The following KCNN2 variants were observed in gnomAD, a reference collection of about 807,000 sequenced individuals.
The protein encoded by KCNN2 is small conductance calcium-activated potassium channel protein 2.
Under a neutral mutation model 55.5 loss-of-function variants are expected in KCNN2, and 24 were observed. That is an observed-to-expected ratio of 0.43 (90% confidence interval 0.31 to 0.61). The LOEUF is 0.61. KCNN2 is among the 20% of genes least tolerant of loss of function. The pLI is 0.08. For synonymous variants in KCNN2, 431 were observed against 336.1 expected (o/e 1.28, Z -3.09); for missense variants, 754 against 853.6 (o/e 0.88, Z 1.45).
At chr5:114,278,593 A>T (rs987397303) in intron 2 of KCNN2, among the ~76,000 whole-genome samples, 1 of 152,118 alleles carries the variant, frequency 6.6e-6, no homozygotes, top group Non-Finnish European at 1.5e-5. Flanking sequence ...CCCCTTCCCC[A>T]CCTTGCTCCA....
Position 114,354,499 on chromosome 5 carries a change from A to T in KCNN2, c.-184-6446A>T, listed in dbSNP as rs79235367. On this transcript the variant is annotated intron_variant, in intron 2 of 10. Coordinates refer to the KCNN2 transcript ENST00000512097. Reference sequence around the variant, plus strand: ...TCTTTTTGCTACCATGAGGTAAGTTAACCTGAGGATTAAGCCAATACATAT... The same window carrying T: ...TCTTTTTGCTACCATGAGGTAAGTTTACCTGAGGATTAAGCCAATACATAT... Among the ~76,000 whole-genome samples, 849 of 152,250 alleles carry T rather than the reference A, an allele frequency of 5.6e-3. 6 individuals are homozygous for T. Among genetic ancestry groups the T allele is most frequent in the African/African-American group, 0.019 (801 of 41,570 alleles).
intron 2 of KCNN2, among the ~76,000 whole-genome samples, chr5:114,354,747 G>A (rs1561582224): frequency 6.6e-6 from 1 of 151,962 alleles, no homozygotes; most frequent in African/African-American, 2.4e-5. Flanking sequence ...TAAGTAGTGA[G>A]AAAAAAATGT....
chr5:114,184,182 A>G (rs962189824), intron 1 of KCNN2, among the ~76,000 whole-genome samples: 1 of 152,134 alleles, frequency 6.6e-6, no homozygotes, highest in African/African-American at 2.4e-5. Flanking sequence ...ACTAATTACA[A>G]AGGACTCAGT....
At chr5:114,464,255 T>C (rs2150116282) in intron 4 of KCNN2, among the ~76,000 whole-genome samples, 1 of 152,332 alleles carries the variant, frequency 6.6e-6, no homozygotes, top group African/African-American at 2.4e-5. Flanking sequence ...TAGTTTCAAA[T>C]TGTTGATGCA....
At chr5:114,389,915 A>G (rs1485440489) in intron 2 of KCNN2, among the ~76,000 whole-genome samples, 1 of 152,118 alleles carries the variant, frequency 6.6e-6, no homozygotes, top group Admixed American at 6.5e-5. Flanking sequence ...GTACAGCCTG[A>G]TGCCCCCATC....
chr5:114,147,253 G>C (rs940897830), intron 1 of KCNN2, among the ~76,000 whole-genome samples: 3 of 152,138 alleles, frequency 2.0e-5, no homozygotes, highest in Non-Finnish European at 4.4e-5. Context: ...AAGAATTTTG[G>C]CTTAGGCAGA....
At chr5:114,128,112 G>A (rs1751976293) in intron 1 of KCNN2, among the ~76,000 whole-genome samples, 1 of 152,052 alleles carries the variant, frequency 6.6e-6, no homozygotes, top group African/African-American at 2.4e-5. Flanking sequence ...TTCTAAAGTT[G>A]CTTCCACATT....
intron 1 of KCNN2, among the ~76,000 whole-genome samples, chr5:114,159,560 A>T (rs914264699): frequency 6.6e-6 from 1 of 152,070 alleles, no homozygotes; most frequent in Non-Finnish European, 1.5e-5. Context: ...ATTGATTGGG[A>T]TAGTTTCTGA....
chr5:114,327,887 A>C (rs4705663), intron 2 of KCNN2, among the ~76,000 whole-genome samples: 95 of 152,180 alleles, frequency 6.2e-4, no homozygotes, highest in Non-Finnish European at 1.1e-3. Context: ...ATCCTCTTCT[A>C]GAAATACTGC....
intron 2 of KCNN2, among the ~76,000 whole-genome samples, chr5:114,350,325 TGAGTTATAA>T (rs1032564904): frequency 6.6e-4 from 101 of 152,038 alleles, no homozygotes; most frequent in African/African-American, 2.4e-3. Context: ...TTTTTATAAT[TGAGTTATAA>T]GAGTTCTTTA....
intron 1 of KCNN2, among the ~76,000 whole-genome samples, chr5:114,156,602 C>G (rs115068261): frequency 0.031 from 4,704 of 152,110 alleles, 254 homozygotes; most frequent in African/African-American, 0.11. Context: ...TTTCACCACC[C>G]TAGTTAGCTG....
intron 6 of KCNN2, among the ~76,000 whole-genome samples, chr5:114,491,516 T>C (rs1311211071): frequency 1.0e-4 from 15 of 150,064 alleles, no homozygotes; most frequent in South Asian, 2.1e-4. Flanking sequence ...TTTCTTTTTT[T>C]TTTTTTTTTA....
chr5:114,078,092 T>G (rs1293993345), intron 1 of KCNN2, among the ~76,000 whole-genome samples: 1 of 152,184 alleles, frequency 6.6e-6, no homozygotes, highest in Non-Finnish European at 1.5e-5. Flanking sequence ...ATTGTGCAAA[T>G]GTAGTGCAGA....
At chr5:114,164,849 G>A (rs1264010977) in intron 1 of KCNN2, among the ~76,000 whole-genome samples, 1 of 152,030 alleles carries the variant, frequency 6.6e-6, no homozygotes, top group Non-Finnish European at 1.5e-5. Context: ...AGATTTATTT[G>A]GACCGTTTCT....
At chr5:114,403,951 G>A (rs980810324) in intron 2 of KCNN2, among the ~76,000 whole-genome samples, 2 of 152,170 alleles carry the variant, frequency 1.3e-5, no homozygotes, top group African/African-American at 4.8e-5. Context: ...TTTCTCTGAA[G>A]CCAAGAATAA....
intron 1 of KCNN2, among the ~76,000 whole-genome samples, chr5:114,063,214 A>G (rs1267248637): frequency 6.6e-6 from 1 of 152,228 alleles, no homozygotes; most frequent in Non-Finnish European, 1.5e-5. Context: ...CAAATGACTG[A>G]CAAAAACTAA....
chr5:114,309,583 T>C (rs1756357016), intron 2 of KCNN2, among the ~76,000 whole-genome samples: 1 of 152,166 alleles, frequency 6.6e-6, no homozygotes, highest in South Asian at 2.1e-4. Context: ...GGCCTGTGGA[T>C]GTAATGAAGA....
intron 2 of KCNN2, among the ~76,000 whole-genome samples, chr5:114,367,506 A>C (rs374199323): frequency 6.6e-6 from 1 of 152,234 alleles, no homozygotes; most frequent in Non-Finnish European, 1.5e-5. Context: ...ATGCCTATGT[A>C]TCATGACCTT....
intron 2 of KCNN2, among the ~76,000 whole-genome samples, chr5:114,316,253 A>AT (rs1429259431): frequency 9.9e-5 from 15 of 152,082 alleles, no homozygotes; most frequent in Admixed American, 9.8e-4. Flanking sequence ...TTTAGTAATA[A>AT]TTTTTCCCAT....
Sources: gnomAD v4.1 joint callset for allele counts (sites outside exome capture counted in the v4.1 genomes callset) on GRCh38, gnomAD v4.1.1 for gene constraint, MANE v1.5 for transcripts, NCBI Gene and HGNC (gene_info 2026-07-23, HGNC 2026-07-21) for gene names.